PRKCB: variants seen among roughly 807,000 people sequenced by gnomAD.
The protein encoded by PRKCB is protein kinase C beta type.
Under a neutral mutation model 81.5 loss-of-function variants are expected in PRKCB, and 13 were observed. The ratio of observed to expected loss-of-function variants is 0.16; its 90% confidence interval spans 0.10 to 0.25. The LOEUF is 0.25. Among genes scored for constraint, PRKCB ranks in the 10% least tolerant of loss-of-function variants. The pLI is 1.00. For synonymous variants in PRKCB, 335 were observed against 321.4 expected (o/e 1.04, Z -0.45); for missense variants, 509 against 875.7 (o/e 0.58, Z 5.29).
At chr16:23,982,365 C>CCCTTTCCCTTG (rs1185284432) in intron 2 of PRKCB, among the ~76,000 whole-genome samples, 1 of 146,026 alleles carries the variant, frequency 6.8e-6, no homozygotes, top group Admixed American at 6.9e-5. Context: ...CCTTCCCCTT[C>CCCTTTCCCTTG]CCTTTCCCTT....
intron 15 of PRKCB, among the ~76,000 whole-genome samples, chr16:24,189,209 T>C (rs1018458437): frequency 7.2e-5 from 11 of 152,222 alleles, no homozygotes; most frequent in Non-Finnish European, 1.6e-4. Context: ...TCTTACTGAC[T>C]CTACCACTTC....
chr16:24,120,192 C>T (rs1022160791), intron 8 of PRKCB, among the ~76,000 whole-genome samples: 3 of 151,846 alleles, frequency 2.0e-5, no homozygotes, highest in Non-Finnish European at 2.9e-5. Context: ...GCCTTAGTGG[C>T]GGGGGTTGCG....
chr16:24,183,629 C>A (rs897720262), intron 13 of PRKCB, among the ~76,000 whole-genome samples: 1 of 152,156 alleles, frequency 6.6e-6, no homozygotes. Flanking sequence ...GATTAGTTAA[C>A]ATTTTGAGGG....
At chr16:23,882,021 T>TTCTTTCTTTCTTTCTTCCTTCCTTCCTTC in intron 2 of PRKCB, among the ~76,000 whole-genome samples, 1,008 of 55,608 alleles carry the variant, frequency 0.018, 107 homozygotes, top group Non-Finnish European at 0.023. Context: ...TTTCTTTCTT[T>TTCTTTCTTTCTTTCTTCCTTCCTTCCTTC]CTTCCTTCCT....
intron 2 of PRKCB, among the ~76,000 whole-genome samples, chr16:23,977,259 AC>A (rs1269695572): frequency 6.6e-6 from 1 of 152,036 alleles, no homozygotes; most frequent in Non-Finnish European, 1.5e-5. Flanking sequence ...GATGGAACAG[AC>A]CCTCCCAGAT....
At chr16:23,975,888 A>C (rs1964618745) in intron 2 of PRKCB, among the ~76,000 whole-genome samples, 1 of 152,206 alleles carries the variant, frequency 6.6e-6, no homozygotes, top group Non-Finnish European at 1.5e-5. Flanking sequence ...AAGTTGGTTT[A>C]GGAAAAGAGG....
chr16:24,158,858 G>A (rs1414588576), intron 10 of PRKCB, among the ~76,000 whole-genome samples: 1 of 151,992 alleles, frequency 6.6e-6, no homozygotes, highest in Non-Finnish European at 1.5e-5. Context: ...ACAGGGTCTT[G>A]CTATGTTACC....
intron 3 of PRKCB, among the ~76,000 whole-genome samples, chr16:24,027,181 T>TCCCCTC (rs1350663746): frequency 6.6e-6 from 1 of 152,074 alleles, no homozygotes. Context: ...TGTATTATGT[T>TCCCCTC]CCCCTCCCTG....
At chr16:23,850,232 T>G (rs1216695872) in intron 2 of PRKCB, among the ~76,000 whole-genome samples, 2 of 152,212 alleles carry the variant, frequency 1.3e-5, no homozygotes, top group Non-Finnish European at 2.9e-5. Context: ...TGTTGAACAC[T>G]TAGGTTGATT....
intron 9 of PRKCB, among the ~76,000 whole-genome samples, chr16:24,139,242 ACC>A (rs1458551745): frequency 5.3e-5 from 8 of 152,158 alleles, no homozygotes; most frequent in Non-Finnish European, 1.2e-4. Flanking sequence ...GCTCAAAAGA[ACC>A]GTTCAGTTAC....
chr16:24,217,633 A>G lies in PRKCB; in HGVS notation c.*2817A>G. The stretch of plus-strand genomic sequence containing the variant: ...CAAGTCCTGTCTGGACCATGTGGTT[A>G]TCTGAAGCATTAGCCATCACCAGCA... On this transcript the variant is annotated 3_prime_UTR_variant, in exon 17 of 17. Coordinates refer to ENST00000643927, the MANE Select transcript of PRKCB (RefSeq NM_002738.7). 2.0e-6 allele frequency: 2 copies of G among 985,496 alleles called. No individual in the cohort carries two copies. Among genetic ancestry groups the G allele is most frequent in the South Asian group, 4.7e-5 (1 of 21,292 alleles). 61.0% of individuals were successfully genotyped at this position (985,496 alleles called of 1,614,324 possible).
intron 13 of PRKCB, among the ~76,000 whole-genome samples, chr16:24,182,873 T>TGTGTGTGTGTG (rs1555501178): frequency 3.0e-5 from 4 of 133,520 alleles, no homozygotes; most frequent in African/African-American, 1.2e-4. Flanking sequence ...ACATTGTTTC[T>TGTGTGTGTGTG]TGTGTGTGTG....
intron 16 of PRKCB, 30 bp downstream of exon 16, chr16:24,191,260 G>C (rs746187067): frequency 6.2e-7 from 1 of 1,612,822 alleles, no homozygotes; most frequent in Non-Finnish European, 8.5e-7. Flanking sequence ...TGACTGCCGG[G>C]TATTCACACA....
intron 2 of PRKCB, among the ~76,000 whole-genome samples, chr16:23,952,370 C>G (rs948617393): frequency 3.9e-5 from 6 of 152,182 alleles, no homozygotes; most frequent in Non-Finnish European, 1.5e-5. Flanking sequence ...GCAGTTAAAA[C>G]TCTTAGTGCT....
chr16:23,852,097 G>T (rs1962482455), intron 2 of PRKCB, among the ~76,000 whole-genome samples: 1 of 152,074 alleles, frequency 6.6e-6, no homozygotes, highest in African/African-American at 2.4e-5. Flanking sequence ...TTCCTATTAG[G>T]ATGCCTTTTA....
At position 24,217,851 on chromosome 16, in the gene PRKCB, T is replaced by C. The variant is rs1968254622; in HGVS notation, c.*3035T>C. The C allele has an allele frequency of 1.0e-6, 1 of 985,328 alleles. No homozygotes were observed. Among genetic ancestry groups the C allele is most frequent in the Non-Finnish European group, 1.2e-6 (1 of 829,956 alleles). 61.0% of individuals were successfully genotyped at this position (985,328 alleles called of 1,614,324 possible). ...CACTGTCCTGGAGTTCTCAGACCTT[T>C]AGGGGCCCTAACACAGTTCAGTTCA... is the stretch of plus-strand genomic sequence containing the variant. On this transcript the variant is annotated 3_prime_UTR_variant, in exon 17 of 17. Transcript: ENST00000643927.
intron 10 of PRKCB, among the ~76,000 whole-genome samples, chr16:24,168,640 T>C (rs116253047): frequency 7.2e-6 from 1 of 139,056 alleles, no homozygotes; most frequent in African/African-American, 2.6e-5. Context: ...AGCCTTGAAC[T>C]CCTGGGCTCA....
chr16:23,956,439 A>G (rs1394242557), intron 2 of PRKCB, among the ~76,000 whole-genome samples: 1 of 152,146 alleles, frequency 6.6e-6, no homozygotes, highest in Non-Finnish European at 1.5e-5. Flanking sequence ...TTACATTCAT[A>G]TTTATAATTT....
intron 10 of PRKCB, among the ~76,000 whole-genome samples, chr16:24,167,580 A>T (rs1185470514): frequency 1.3e-5 from 2 of 152,048 alleles, no homozygotes; most frequent in Admixed American, 6.6e-5. Flanking sequence ...AAACAAAAAA[A>T]TTGGTTAACT....
Sources: allele counts gnomAD v4.1 joint callset (sites outside exome capture counted in the v4.1 genomes callset), GRCh38; gene constraint gnomAD v4.1.1; transcripts MANE v1.5; gene names NCBI Gene and HGNC (gene_info 2026-07-23, HGNC 2026-07-21).